Variants in CDK17 observed in about 807,000 individuals in gnomAD.
CDK17 encodes the protein cyclin-dependent kinase 17.
A neutral mutation model predicts 77.6 loss-of-function variants in CDK17; 24 were observed. The ratio of observed to expected loss-of-function variants is 0.31; its 90% CI spans 0.22 to 0.44. CDK17 has a LOEUF of 0.44. CDK17 is among the 20% of genes least tolerant of loss of function. CDK17 has a pLI of 1.00. For synonymous variants in CDK17, 203 were observed against 210.4 expected (o/e 0.96, Z 0.30); for missense variants, 429 against 622.5 (o/e 0.69, Z 3.31).
At chr12:96,344,171 T>C (rs1247901066) in intron 1 of CDK17, among the ~76,000 whole-genome samples, 4 of 151,716 alleles carry the variant, frequency 2.6e-5, no homozygotes, top group African/African-American at 9.7e-5. Context: ...GAAAAAAGAA[T>C]GAAGAAAAAT....
chr12:96,326,741 C>T (rs1952896068), intron 2 of CDK17, among the ~76,000 whole-genome samples: 2 of 152,162 alleles, frequency 1.3e-5, no homozygotes, highest in Non-Finnish European at 1.5e-5. Context: ...GTCCAGGGAT[C>T]ACACTTTGAG....
chr12:96,281,835 A>T (rs927233121), intron 15 of CDK17: 1 of 152,260 alleles, frequency 6.6e-6, no homozygotes, highest in African/African-American at 2.4e-5. Flanking sequence ...AGCTTTGATG[A>T]ATCAATATTG....
rs1954243429 is a variant in CDK17 at position 96,400,335 on chromosome 12, C to A, written c.-379G>T. ...GAGACTGTCTGGCCGGGCGCTGGCT[C>A]CTTCTCCGCGGCTCTGCGGCGGCCC... On this transcript the variant is annotated 5_prime_UTR_variant, in exon 1 of 17. Transcript: ENST00000261211. The A allele has an allele frequency of 5.2e-6, 2 of 387,976 alleles. No individual in the cohort carries two copies. The allele number at this position is 387,976 out of a possible 1,614,324, so 24.0% of individuals were successfully genotyped here.
At chr12:96,280,782 C>A (rs775383115) in intron 16 of CDK17, 26 bp downstream of exon 16, 12 of 1,608,544 alleles carry the variant, frequency 7.5e-6, no homozygotes, top group Non-Finnish European at 9.3e-6. Context: ...ATGATCGACA[C>A]GTGAAATGGT....
At chr12:96,280,967 A>G in intron 15 of CDK17, 82 bp from the exon 16 acceptor site, 1 of 1,115,932 alleles carries the variant, frequency 9.0e-7, no homozygotes, top group Non-Finnish European at 1.3e-6. Context: ...ATGTTTATAA[A>G]GCATATACTG....
At chr12:96,391,094 A>AG (rs1354917976) in intron 1 of CDK17, among the ~76,000 whole-genome samples, 1 of 151,738 alleles carries the variant, frequency 6.6e-6, no homozygotes, top group African/African-American at 2.4e-5. Flanking sequence ...CTCAAAAAAA[A>AG]AAAGAAAAAC....
chr12:96,331,497 C>T (rs970540404), intron 2 of CDK17, among the ~76,000 whole-genome samples: 4 of 151,310 alleles, frequency 2.6e-5, no homozygotes, highest in African/African-American at 9.7e-5. Context: ...AATACAAATT[C>T]AGGATTCATC....
Position 96,400,184 on chromosome 12 carries a change from G to A in CDK17, c.-228C>T, listed in dbSNP as rs948220618. ...CGGGTCCGGAGCCTCGGGAGGGGCC[G>A]CGGGTGTCTCACGCGTTGCCAAGTC... On this transcript the variant is annotated 5_prime_UTR_variant, in exon 1 of 17. Transcript: ENST00000261211. The A allele has an allele frequency of 5.1e-5, 20 of 394,760 alleles. No homozygotes were observed. The highest frequency in any genetic ancestry group is 3.9e-4 in the African/African-American group (19 of 48,504). The allele number at this position is 394,760 out of a possible 1,614,324, so 24.5% of individuals were successfully genotyped here.
At chr12:96,385,483 C>T (rs1358571540) in intron 1 of CDK17, among the ~76,000 whole-genome samples, 3 of 152,040 alleles carry the variant, frequency 2.0e-5, no homozygotes, top group African/African-American at 7.3e-5. Context: ...TGTAACGAAC[C>T]TGCACTTGTA....
At chr12:96,378,146 ACT>A (rs1953818054) in intron 1 of CDK17, among the ~76,000 whole-genome samples, 1 of 152,210 alleles carries the variant, frequency 6.6e-6, no homozygotes, top group African/African-American at 2.4e-5. Context: ...TGTAGCTCAC[ACT>A]TGAAAGGTGG....
At chr12:96,368,105 G>GA (rs1159180387) in intron 1 of CDK17, among the ~76,000 whole-genome samples, 202 of 146,192 alleles carry the variant, frequency 1.4e-3, no homozygotes, top group Non-Finnish European at 2.1e-3. Flanking sequence ...AGTTCAATAG[G>GA]AAAAAAAAAA....
chr12:96,313,185 G>A, intron 4 of CDK17, 136 bp downstream of exon 4: 1 of 527,250 alleles, frequency 1.9e-6, no homozygotes. Context: ...TGAATGCAAA[G>A]AAGTAACTTT....
rs1235719859 is a variant in CDK17, at chr12:96,278,681, G to C, written c.*1561C>G. 1 of 152,464 alleles carries C rather than the reference G, an allele frequency of 6.6e-6. No individual in the cohort carries two copies. Among genetic ancestry groups the C allele is most frequent in the Non-Finnish European group, 1.5e-5 (1 of 67,950 alleles). 9.4% of individuals were successfully genotyped at this position (152,464 alleles called of 1,614,324 possible). ...GTTAGAAAGAACAGCAGTTTGTTAG[G>C]CTACAAGGTTTAACATAAAACCAAT... On this transcript the variant is annotated 3_prime_UTR_variant, in exon 17 of 17. Transcript: ENST00000261211.
At chr12:96,379,463 T>TC (rs1953839565) in intron 1 of CDK17, among the ~76,000 whole-genome samples, 1 of 152,036 alleles carries the variant, frequency 6.6e-6, no homozygotes, top group African/African-American at 2.4e-5. Context: ...CTCAAGTCTG[T>TC]CCCCCAGGCT....
chr12:96,366,663 C>T (rs1481767065), intron 1 of CDK17, among the ~76,000 whole-genome samples: 13 of 152,124 alleles, frequency 8.5e-5, no homozygotes, highest in Non-Finnish European at 4.4e-5. Flanking sequence ...GATTTTCAAC[C>T]AGTGACATAA....
At chr12:96,286,884 G>T in intron 11 of CDK17, 123 bp from the exon 12 acceptor site, 1 of 665,646 alleles carries the variant, frequency 1.5e-6, no homozygotes, top group Non-Finnish European at 2.6e-6. Flanking sequence ...ACCTCTTGAA[G>T]GGATATTTTA....
intron 2 of CDK17, 75 bp from the exon 3 acceptor site, chr12:96,324,187 G>A: frequency 2.5e-6 from 3 of 1,214,556 alleles, no homozygotes; most frequent in Admixed American, 5.8e-5. Context: ...GATTCAGAAA[G>A]CAAAACAAAA....
chr12:96,347,058 T>C (rs1018199460), intron 1 of CDK17, among the ~76,000 whole-genome samples: 2 of 152,134 alleles, frequency 1.3e-5, no homozygotes, highest in African/African-American at 4.8e-5. Flanking sequence ...CAGAGTATGA[T>C]AACAAGACAC....
intron 2 of CDK17, among the ~76,000 whole-genome samples, chr12:96,325,602 G>A (rs922717862): frequency 6.6e-6 from 1 of 152,306 alleles, no homozygotes; most frequent in African/African-American, 2.4e-5. Flanking sequence ...GGGCCCAAAG[G>A]CTCACCCAAG....
Sources: gnomAD v4.1 joint callset for allele counts (sites outside exome capture counted in the v4.1 genomes callset) on GRCh38, gnomAD v4.1.1 for gene constraint, MANE v1.5 for transcripts, NCBI Gene and HGNC (gene_info 2026-07-23, HGNC 2026-07-21) for gene names.